The following PRUNE1 variants were observed in gnomAD, a reference collection of about 807,000 sequenced individuals.
PRUNE1 encodes prune exopolyphosphatase 1, also known as exopolyphosphatase PRUNE1.
PRUNE1 carries 25 observed loss-of-function variants against 42.5 expected under a neutral mutation model. The ratio of observed to expected loss-of-function variants is 0.59; its 90% CI spans 0.43 to 0.82. The LOEUF is 0.82. Among genes scored for constraint, PRUNE1 ranks in the 40% least tolerant of loss-of-function variants. The probability of loss-of-function intolerance (pLI) is 0.00; values close to 1 mark genes in which losing one functional copy is unlikely to be tolerated. For missense variants in PRUNE1, 443 were observed against 539.3 expected, an observed-to-expected ratio of 0.82 and a Z score of 1.77; for synonymous variants, 203 against 217.1, an observed-to-expected ratio of 0.93 and a Z score of 0.57.
rs1249190693 is a variant in PRUNE1, at chr1:151,024,748, A to AG, written c.478dup (p.Ala160GlyfsTer27). 1.2e-6 allele frequency: 2 copies of AG among 1,613,938 alleles called. No homozygotes were observed. Among genetic ancestry groups the AG allele is most frequent in the African/African-American group, 2.7e-5 (2 of 74,912 alleles). ...ACCCTGGTGACCGAGAGAATCCTGC[A>AG]GGGGGCACCAGAGATCTTGGACAGG... On this transcript the variant is annotated frameshift_variant, in exon 4 of 8. Coordinates refer to ENST00000271620, the MANE Select transcript of PRUNE1 (RefSeq NM_021222.3). LOFTEE classifies it high-confidence loss of function.
rs1456845940 is a variant in PRUNE1 at position 151,025,534 on chromosome 1, T to A, written c.540T>A (p.Cys180Ter). The A allele has an allele frequency of 3.7e-6, 6 of 1,614,044 alleles. No homozygotes were observed. In the East Asian group the frequency reaches 1.3e-4, roughly 36 times the overall value. Residue 180 changes from cysteine to a stop codon, truncating the protein, a stop_gained, in exon 5 of 8, where the codon TGT (cysteine) becomes TGA (stop). Transcript: ENST00000271620. LOFTEE classifies it high-confidence loss of function. ...ALLHGTIILD[C>*]VNMDLKIGKA... The stretch of plus-strand genomic sequence containing the variant: ...CCACAGGAACCATCATCCTGGACTG[T>A]GTCAACATGGACCTTAAAATTGGAA...
At chr1:151,025,368 T>G in intron 4 of PRUNE1, 147 bp from the exon 5 acceptor site, 1 of 761,830 alleles carries the variant, frequency 1.3e-6, no homozygotes, top group Non-Finnish European at 2.0e-6. Flanking sequence ...GAGGACACTG[T>G]CCATCCCAGT....
intron 1 of PRUNE1, among the ~76,000 whole-genome samples, chr1:151,014,537 AG>A (rs1369706962): frequency 6.6e-6 from 1 of 152,236 alleles, no homozygotes; most frequent in Non-Finnish European, 1.5e-5. Flanking sequence ...GTGGGGGAAG[AG>A]AAGAGTGATA....
intron 4 of PRUNE1, 38 bp from the exon 5 acceptor site, chr1:151,025,477 T>G: frequency 6.3e-7 from 1 of 1,595,308 alleles, no homozygotes; most frequent in Non-Finnish European, 8.6e-7. Context: ...GTGTGAAGGG[T>G]CACAGGATTC....
chr1:151,027,415 A>T, intron 6 of PRUNE1, 88 bp downstream of exon 6: 1 of 906,596 alleles, frequency 1.1e-6, no homozygotes, highest in Non-Finnish European at 1.7e-6. Context: ...TTCCTGGCTC[A>T]CCTCCAAAAT....
At chr1:151,026,967 G>C (rs1013259496) in intron 5 of PRUNE1, among the ~76,000 whole-genome samples, 2 of 150,590 alleles carry the variant, frequency 1.3e-5, no homozygotes, top group East Asian at 3.9e-4. Flanking sequence ...TGTATTTTTA[G>C]TAGAGACAGA....
chr1:151,033,104 A>G (rs587593782), intron 7 of PRUNE1, among the ~76,000 whole-genome samples: 5 of 117,070 alleles, frequency 4.3e-5, no homozygotes, highest in Non-Finnish European at 6.9e-5. Flanking sequence ...TTTTTTTTTG[A>G]GACGGAGTTT....
Position 151,033,913 on chromosome 1 carries a change from T to C in PRUNE1, c.1041T>C (p.Ser347=). 2 of 1,614,082 alleles carry C rather than the reference T, an allele frequency of 1.2e-6. No individual in the cohort carries two copies. The highest frequency in any genetic ancestry group is 1.1e-5 in the South Asian group (1 of 91,080). The change falls in exon 8 of 8, where the codon TCT becomes TCC. Residue 347 remains serine, a synonymous_variant. Transcript: ENST00000271620. ...ATCTTCAAGGCAACACCCAGGTCTCTCGAAAGAAACTTCTGCCCCTGCTCC... is the reference window on the plus strand; with the variant it reads ...ATCTTCAAGGCAACACCCAGGTCTCCCGAAAGAAACTTCTGCCCCTGCTCC... ...HAYLQGNTQV[S]RKKLLPLLQE...
At chr1:151,033,769 G>C in intron 7 of PRUNE1, 37 bp from the exon 8 acceptor site, 2 of 1,569,288 alleles carry the variant, frequency 1.3e-6, no homozygotes, top group Non-Finnish European at 1.7e-6. Flanking sequence ...GCTACAGCAA[G>C]TTGTGTATCA....
chr1:151,009,113 C>CG (rs1271057513), intron 1 of PRUNE1, among the ~76,000 whole-genome samples: 6 of 152,112 alleles, frequency 3.9e-5, no homozygotes, highest in Non-Finnish European at 8.8e-5. Context: ...AGGTGAACCT[C>CG]GGGGGTGTGG....
chr1:151,026,195 G>A (rs768998054), intron 5 of PRUNE1, among the ~76,000 whole-genome samples: 28 of 151,208 alleles, frequency 1.9e-4, no homozygotes, highest in Non-Finnish European at 4.0e-4. Flanking sequence ...AGTGGCTCAC[G>A]CCTGTAATCC....
intron 3 of PRUNE1, among the ~76,000 whole-genome samples, chr1:151,019,979 G>A (rs587761488): frequency 2.0e-5 from 3 of 150,654 alleles, no homozygotes; most frequent in East Asian, 2.0e-4. Context: ...TTACAGGTGC[G>A]CGCCACCATG....
intron 3 of PRUNE1, among the ~76,000 whole-genome samples, chr1:151,023,210 A>G (rs775948628): frequency 5.3e-5 from 8 of 152,154 alleles, no homozygotes; most frequent in Admixed American, 6.6e-5. Flanking sequence ...TCAAATGATC[A>G]TTCAGGCCAC....
chr1:151,027,236 T>C lies in PRUNE1; in HGVS notation c.683T>C (p.Leu228Pro). 6.2e-7 allele frequency: 1 copy of C among 1,606,654 alleles called. No homozygotes were observed. The highest frequency in any genetic ancestry group is 8.5e-7 in the Non-Finnish European group (1 of 1,173,386). The change falls in exon 6 of 8, where the codon CTG becomes CCG. Residue 228 changes from leucine to proline, a missense_variant. Transcript: ENST00000271620. ...TAGTCTCTCATCTGCTTTCTAGGACTGACCACTGAGCAGATGCTGAGAAAA... is the reference window on the plus strand; with the variant it reads ...TAGTCTCTCATCTGCTTTCTAGGACCGACCACTGAGCAGATGCTGAGAAAA... The part of the protein sequence containing the change: ...LQKAKFDVSG[L>P]TTEQMLRKDQ...
rs1675420565 is a variant in PRUNE1, at chr1:151,034,109, A to G, written c.1237A>G (p.Asn413Asp). 6.2e-7 allele frequency: 1 copy of G among 1,614,044 alleles called. No individual in the cohort carries two copies. Among genetic ancestry groups the G allele is most frequent in the African/African-American group, 1.3e-5 (1 of 74,920 alleles). Residue 413 changes from asparagine (N) to aspartate (D), a missense_variant, in exon 8 of 8, where the codon AAC becomes GAC. Coordinates refer to ENST00000271620, the MANE Select transcript of PRUNE1 (RefSeq NM_021222.3). ...EDPPLPPTPM[N>D]SLVDECPLDQ... ...CCCTCCGCTGCCCCCGACGCCCATG[A>G]ACAGCTTGGTGGATGAGTGCCCTCT...
At position 151,017,824 on chromosome 1, in the gene PRUNE1, C is replaced by G; in HGVS notation, c.52C>G (p.Leu18Val). The change falls in exon 2 of 8, where the codon CTA (leucine) becomes GTA (valine). Residue 18 changes from leucine to valine, a missense_variant. Leu to Val is a conservative substitution (Grantham distance 32, BLOSUM62 1). Coordinates refer to ENST00000271620, the MANE Select transcript of PRUNE1 (RefSeq NM_021222.3). Reference sequence around the variant, plus strand: ...CCTTTCTCTCCAGGAGTCCCGACCTCTACATGTTGTGCTGGGAAATGAAGC... The same window carrying G: ...CCTTTCTCTCCAGGAGTCCCGACCTGTACATGTTGTGCTGGGAAATGAAGC... ...CRAALQESRP[L>V]HVVLGNEACD... 1 of 1,595,754 alleles carries G rather than the reference C, an allele frequency of 6.3e-7. No homozygotes were observed. The highest frequency in any genetic ancestry group is 1.3e-5 in the African/African-American group (1 of 74,582).
intron 2 of PRUNE1, 59 bp downstream of exon 2, chr1:151,017,963 T>C: frequency 8.2e-7 from 1 of 1,222,602 alleles, no homozygotes; most frequent in Non-Finnish European, 1.2e-6. Context: ...AGATCTGGAT[T>C]CAAGACCCAG....
intron 3 of PRUNE1, 34 bp downstream of exon 3, chr1:151,018,703 T>C (rs1025245473): frequency 1.9e-6 from 3 of 1,573,882 alleles, no homozygotes; most frequent in Admixed American, 1.7e-5. Flanking sequence ...CTACCTATCA[T>C]GTACCATGCT....
intron 5 of PRUNE1, among the ~76,000 whole-genome samples, chr1:151,026,621 C>T (rs1233517790): frequency 6.6e-6 from 1 of 151,378 alleles, no homozygotes; most frequent in African/African-American, 2.4e-5. Flanking sequence ...ATGAAGAGAA[C>T]CCAAAAAAAA....
Sources: allele counts gnomAD v4.1 joint callset (sites outside exome capture counted in the v4.1 genomes callset), GRCh38; gene constraint gnomAD v4.1.1; transcripts MANE v1.5; gene names NCBI Gene and HGNC (gene_info 2026-07-23, HGNC 2026-07-21).